The following CHRDL2 variants were observed in gnomAD, a reference collection of about 807,000 sequenced individuals.
CHRDL2 encodes the protein chordin like 2, also known as chordin-like protein 2.
Under a neutral mutation model 54.3 loss-of-function variants are expected in CHRDL2, and 41 were observed. The observed-to-expected ratio is 0.76, with a 90% CI of 0.59 to 0.98. The LOEUF is 0.98. Among genes scored for constraint, CHRDL2 ranks in the 50% least tolerant of loss-of-function variants. The pLI, the probability that CHRDL2 is intolerant of heterozygous loss-of-function variation, is 0.00. For synonymous variants in CHRDL2, 220 were observed against 224.3 expected (o/e 0.98, Z 0.17); for missense variants, 518 against 562.4 (o/e 0.92, Z 0.80).
chr11:74,725,877 C>G (rs1241876060), intron 1 of CHRDL2, among the ~76,000 whole-genome samples: 1 of 152,206 alleles, frequency 6.6e-6, no homozygotes, highest in East Asian at 1.9e-4. Context: ...CACACCCACA[C>G]AGCCATACTT....
chr11:74,705,969 A>G (rs1263966301), intron 6 of CHRDL2, among the ~76,000 whole-genome samples: 2 of 152,226 alleles, frequency 1.3e-5, no homozygotes, highest in East Asian at 3.9e-4. Context: ...GACTTGAATC[A>G]ATGTGTGATT....
chr11:74,697,294 A>G lies in CHRDL2; in HGVS notation c.1124T>C (p.Ile375Thr). Residue 375 changes from isoleucine to threonine, a missense_variant, in exon 10 of 11, where the codon ATC becomes ACC. Coordinates refer to ENST00000376332, the MANE Select transcript of CHRDL2 (RefSeq NM_001278473.3). Reference protein sequence around the residue: ...EIYLWKLVKGIFHLTQIKKVR... With the variant: ...EIYLWKLVKGTFHLTQIKKVR... ...TTTCTTGATCTGAGTCAAGTGGAAG[A>G]TTCCTGAGGGCAGAGACAAGGATGT... 1 of 1,613,386 alleles carries G rather than the reference A, an allele frequency of 6.2e-7. No individual in the cohort carries two copies. The highest frequency in any genetic ancestry group is 1.1e-5 in the South Asian group (1 of 91,064).
intron 9 of CHRDL2, chr11:74,697,735 G>GGGAGGGAGGGAAGTGGAAGGCA (rs1261647260): frequency 3.0e-6 from 1 of 332,284 alleles, no homozygotes; most frequent in East Asian, 8.9e-5. Context: ...CCCCAGTGCA[G>GGGAGGGAGGGAAGTGGAAGGCA]GGAGGGAGGG....
At position 74,709,502 on chromosome 11, in the gene CHRDL2, T is replaced by C. The variant is rs551113572; in HGVS notation, c.433-1107A>G. On this transcript the variant is annotated intron_variant, in intron 4 of 10. Transcript: ENST00000376332. ...ACTGTCTATAAACCAGGCATTTCTA[T>C]GAACCTGGTGACACAACAGACTAGA... is the stretch of plus-strand genomic sequence containing the variant. Among the ~76,000 whole-genome samples, 249 of 152,338 alleles carry C rather than the reference T, an allele frequency of 1.6e-3. 3 individuals are homozygous for C. Among genetic ancestry groups the C allele is most frequent in the African/African-American group, 5.8e-3 (240 of 41,558 alleles).
Position 74,718,764 on chromosome 11 carries a change from C to T in CHRDL2, c.151G>A (p.Glu51Lys). The T allele has an allele frequency of 6.2e-7, 1 of 1,613,832 alleles. No homozygotes were observed. The highest frequency in any genetic ancestry group is 1.1e-5 in the South Asian group (1 of 90,962). ...SPGESWHPYL[E>K]PQGLMYCLRC... Reference sequence around the variant, plus strand: ...AGGCAGTACATCAGGCCTTGTGGCTCCAAGTAGGGGTGCCAGCTCTCGCCG... The same window carrying T: ...AGGCAGTACATCAGGCCTTGTGGCTTCAAGTAGGGGTGCCAGCTCTCGCCG... Residue 51 changes from glutamate (E) to lysine (K), a missense_variant, in exon 2 of 11, where the codon GAG (glutamate) becomes AAG (lysine). By Grantham distance (56) the Glu-to-Lys change is moderately conservative (BLOSUM62 1). Coordinates refer to ENST00000376332, the MANE Select transcript of CHRDL2 (RefSeq NM_001278473.3).
At chr11:74,717,445 A>G (rs1400516616) in intron 2 of CHRDL2, among the ~76,000 whole-genome samples, 2 of 152,194 alleles carry the variant, frequency 1.3e-5, no homozygotes, top group South Asian at 2.1e-4. Context: ...TTCTCTGGCT[A>G]TATTTCATAA....
rs1184933196 is a variant in CHRDL2, at chr11:74,713,493, A to G, written c.196-14T>C. ...CACATGGGCGCCCTGAAGGGGACAC[A>G]AGGGTCAGCCCTGGTTCAAAGAACC... is the stretch of plus-strand genomic sequence containing the variant. On this transcript the variant is annotated splice_polypyrimidine_tract_variant and intron_variant, in intron 2 of 10. Transcript: ENST00000376332. 4 of 1,610,102 alleles carry G rather than the reference A, an allele frequency of 2.5e-6. No individual in the cohort carries two copies. Among genetic ancestry groups the G allele is most frequent in the South Asian group, 2.2e-5 (2 of 90,970 alleles).
chr11:74,700,444 C>A lies in CHRDL2; in HGVS notation c.1120+2350G>T, dbSNP rs560471059. Among the ~76,000 whole-genome samples, 10 of 152,198 alleles carry A rather than the reference C, an allele frequency of 6.6e-5. No homozygotes were observed. In the East Asian group the frequency reaches 1.9e-3, roughly 29 times the overall value. On this transcript the variant is annotated intron_variant, in intron 9 of 10. Transcript: ENST00000376332. ...TGAGGCCCATCCTTCACGAAGCCTT[C>A]CCTGACCAGCTCAGCTCCCAATAAG...
intron 1 of CHRDL2, among the ~76,000 whole-genome samples, chr11:74,724,913 T>G (rs2034548759): frequency 6.6e-6 from 1 of 152,142 alleles, no homozygotes; most frequent in Non-Finnish European, 1.5e-5. Flanking sequence ...ACGAAATCAA[T>G]GATGAAAGAA....
In CHRDL2 at chr11:74,730,862, G is replaced by A; in HGVS notation, c.27C>T (p.Ser9=). Residue 9 remains serine (S), a synonymous_variant, in exon 1 of 11, where the codon TCC becomes TCT. Coordinates refer to ENST00000376332, the MANE Select transcript of CHRDL2 (RefSeq NM_001278473.3). ...AGAGCAGCGCGAGTCCCAGCAAGGA[G>A]GAGAGGACCCTCACCTCGGGAACCA... is the stretch of plus-strand genomic sequence containing the variant. The part of the protein sequence containing the change: MVPEVRVL[S]SLLGLALLWF... 2.5e-6 allele frequency: 4 copies of A among 1,612,654 alleles called. No individual in the cohort carries two copies. The highest frequency in any genetic ancestry group is 1.1e-5 in the South Asian group (1 of 90,556).
At chr11:74,696,851 T>C (rs3819243) in intron 10 of CHRDL2, among the ~76,000 whole-genome samples, 140,233 of 152,150 alleles carry the variant, frequency 0.92, 64,875 homozygotes, top group African/African-American at 0.96. Context: ...CTCCCCGACC[T>C]GAAACCCCAC....
chr11:74,718,472 T>G (rs574561706), intron 2 of CHRDL2, among the ~76,000 whole-genome samples: 7 of 152,312 alleles, frequency 4.6e-5, no homozygotes, highest in African/African-American at 1.7e-4. Context: ...GGCTGGGATG[T>G]GAGATGGGAG....
chr11:74,704,561 T>C lies in CHRDL2; in HGVS notation c.676A>G (p.Ile226Val), dbSNP rs59876990. The change falls in exon 7 of 11, where the codon ATC (isoleucine) becomes GTC (valine). Residue 226 changes from isoleucine (I) to valine (V), a missense_variant. By Grantham distance (29) the Ile-to-Val change is conservative. Transcript: ENST00000376332. ...PTGLSAPLSFIPRHFRPKGAG... is the reference protein window; with the variant it reads ...PTGLSAPLSFVPRHFRPKGAG... ...CCCTTGGGTCTGAAGTGGCGAGGGA[T>C]GAAGCTCAGAGGGGCGCTGAGGCCA... The C allele has an allele frequency of 3.1e-3, 4,958 of 1,582,240 alleles. 135 individuals carry two copies. The African/African-American group carries it at 0.059, about 19-fold the overall frequency.
rs199789152 is a variant in CHRDL2, at chr11:74,703,005, G to A, written c.947-38C>T. 68 of 1,555,740 alleles carry A rather than the reference G, an allele frequency of 4.4e-5. No homozygotes were observed. In the East Asian group the frequency reaches 7.7e-4, roughly 18 times the overall value. On this transcript the variant is annotated intron_variant, in intron 8 of 10. Transcript: ENST00000376332. ...GAAGCTCATGAAGTGTTCAATAAAC[G>A]TTGGCTGTACCTCTTCAAAGCTCTA...
At chr11:74,701,989 C>G (rs1565147969) in intron 9 of CHRDL2, among the ~76,000 whole-genome samples, 1 of 152,180 alleles carries the variant, frequency 6.6e-6, no homozygotes, top group Admixed American at 6.5e-5. Flanking sequence ...TGTCGTGGCT[C>G]ACGCCTGTAA....
chr11:74,704,181 T>C (rs2033924853), intron 7 of CHRDL2, among the ~76,000 whole-genome samples: 2 of 152,202 alleles, frequency 1.3e-5, no homozygotes, highest in African/African-American at 4.8e-5. Context: ...ATCTGTTCTG[T>C]CTGCCCCTCT....
intron 1 of CHRDL2, among the ~76,000 whole-genome samples, chr11:74,726,850 C>T (rs2034579913): frequency 6.6e-6 from 1 of 152,184 alleles, no homozygotes; most frequent in Non-Finnish European, 1.5e-5. Context: ...TAGGTGCTCC[C>T]CACTGCCTCA....
At chr11:74,702,598 G>A (rs1469325434) in intron 9 of CHRDL2, among the ~76,000 whole-genome samples, 196 bp downstream of exon 9, 1 of 152,238 alleles carries the variant, frequency 6.6e-6, no homozygotes, top group African/African-American at 2.4e-5. Flanking sequence ...GCATTAGCAG[G>A]AGGAGCTTAT....
chr11:74,711,873 G>A (rs1591360898), intron 3 of CHRDL2, among the ~76,000 whole-genome samples: 1 of 151,554 alleles, frequency 6.6e-6, no homozygotes, highest in East Asian at 1.9e-4. Flanking sequence ...GCAGTGGCAC[G>A]ATCTCAGCTC....
Sources: gnomAD v4.1 joint callset for allele counts (sites outside exome capture counted in the v4.1 genomes callset) on GRCh38, gnomAD v4.1.1 for gene constraint, MANE v1.5 for transcripts, NCBI Gene and HGNC (gene_info 2026-07-23, HGNC 2026-07-21) for gene names.